Variants in CREB3L2 observed in about 807,000 individuals in gnomAD.
CREB3L2 encodes cAMP responsive element binding protein 3 like 2.
Under a neutral mutation model 57.2 loss-of-function variants are expected in CREB3L2, and 23 were observed. That is an observed-to-expected ratio of 0.40 (90% CI 0.29 to 0.57). CREB3L2 has a LOEUF of 0.57. CREB3L2 is among the 20% of genes least tolerant of loss of function. The probability of loss-of-function intolerance (pLI) is 0.42; values close to 1 mark genes in which losing one functional copy is unlikely to be tolerated. For synonymous variants in CREB3L2, 268 were observed against 265.1 expected, an observed-to-expected ratio of 1.01 and a Z score of -0.11; for missense variants, 628 against 634.7, an observed-to-expected ratio of 0.99 and a Z score of 0.11.
At position 137,901,442 on chromosome 7, in the gene CREB3L2, A is replaced by G; in HGVS notation, c.975-20T>C. 2 of 1,545,668 alleles carry G rather than the reference A, an allele frequency of 1.3e-6. No individual in the cohort carries two copies. The highest frequency in any genetic ancestry group is 1.1e-5 in the South Asian group (1 of 89,348). On this transcript the variant is annotated intron_variant, in intron 7 of 11. Transcript: ENST00000330387. Reference sequence around the variant, plus strand: ...TCCACTCTACAAAGGAGGGAGAAAGAAGAAAATTATTATCCATAGAGCAAA... The same window carrying G: ...TCCACTCTACAAAGGAGGGAGAAAGGAGAAAATTATTATCCATAGAGCAAA...
At position 137,880,143 on chromosome 7, in the gene CREB3L2, C is replaced by T. The variant is rs2117169416; in HGVS notation, c.*333G>A. 1 of 369,102 alleles carries T rather than the reference C, an allele frequency of 2.7e-6. No individual in the cohort carries two copies. The highest frequency in any genetic ancestry group is 3.9e-5 in the South Asian group (1 of 25,700). The allele number at this position is 369,102 out of a possible 1,614,324, so 22.9% of individuals were successfully genotyped here. A position where few individuals can be genotyped will look rare whatever the true frequency, so the allele number is the denominator to read the frequency against. Reference sequence around the variant, plus strand: ...ATCTCGTCTCCAAAGCGGGGGGTTACACCTCACAGGTGCACATTAGGCAAT... The same window carrying T: ...ATCTCGTCTCCAAAGCGGGGGGTTATACCTCACAGGTGCACATTAGGCAAT... On this transcript the variant is annotated 3_prime_UTR_variant, in exon 12 of 12. Transcript: ENST00000330387. The surrounding 1 kb of genome is among the most constrained non-coding windows in gnomAD (Gnocchi z 4.0).
Position 137,885,016 on chromosome 7 carries a change from C to T in CREB3L2, c.1249G>A (p.Glu417Lys). The change falls in exon 10 of 12, where the codon GAG becomes AAG. Residue 417 changes from glutamate (E) to lysine (K), a missense_variant. Glu to Lys is a moderately conservative substitution (Grantham distance 56, BLOSUM62 1). Coordinates refer to ENST00000330387, the MANE Select transcript of CREB3L2 (RefSeq NM_194071.4). Reference protein sequence around the residue: ...MALPSQHSLQEPYTASVVRSR... With the variant: ...MALPSQHSLQKPYTASVVRSR... The stretch of plus-strand genomic sequence containing the variant: ...TTACCCACGGAGGCTGTGTAGGGCT[C>T]CTGCAGGGAATGCTGGCTGGGCAGA... The T allele has an allele frequency of 6.2e-7, 1 of 1,614,178 alleles. No homozygotes were observed. The highest frequency in any genetic ancestry group is 8.5e-7 in the Non-Finnish European group (1 of 1,180,020).
In CREB3L2 at chr7:138,001,503, C is replaced by A. The variant is rs1802075818; in HGVS notation, c.102+101G>T. The A allele has an allele frequency of 2.4e-6, 2 of 841,194 alleles. No individual in the cohort carries two copies. The highest frequency in any genetic ancestry group is 3.3e-5 in the South Asian group (2 of 60,544). 52.1% of individuals were successfully genotyped at this position (841,194 alleles called of 1,614,324 possible). A position where few individuals can be genotyped will look rare whatever the true frequency, so the allele number is the denominator to read the frequency against. ...CCTCTTGATTCTGACCATGCCCTGC[C>A]CCAAACCCTGCCTTCCCGGGTCCCA... On this transcript the variant is annotated intron_variant, in intron 1 of 11. Transcript: ENST00000330387. The surrounding 1 kb of genome is among the most constrained non-coding windows in gnomAD (Gnocchi z 4.2).
chr7:137,879,405 A>G lies in CREB3L2; in HGVS notation c.*1071T>C. 2.3e-6 allele frequency: 1 copy of G among 442,392 alleles called. No individual in the cohort carries two copies. The highest frequency in any genetic ancestry group is 4.3e-6 in the Non-Finnish European group (1 of 234,378). 27.4% of individuals were successfully genotyped at this position (442,392 alleles called of 1,614,324 possible). A position where few individuals can be genotyped will look rare whatever the true frequency, so the allele number is the denominator to read the frequency against. On this transcript the variant is annotated 3_prime_UTR_variant, in exon 12 of 12. Coordinates refer to ENST00000330387, the MANE Select transcript of CREB3L2 (RefSeq NM_194071.4). Reference sequence around the variant, plus strand: ...GGTTGTCTGAAATGTCTGTTGTCAGAACAGGGCTTCCCCTTCTCTGTCATG... The same window carrying G: ...GGTTGTCTGAAATGTCTGTTGTCAGGACAGGGCTTCCCCTTCTCTGTCATG...
chr7:137,894,513 T>G (rs976201723), intron 8 of CREB3L2, among the ~76,000 whole-genome samples: 6 of 152,126 alleles, frequency 3.9e-5, no homozygotes, highest in African/African-American at 1.4e-4. Context: ...GTCTACCCCA[T>G]TGGCTTCAGG....
At chr7:137,902,316 C>A (rs1278674781) in intron 7 of CREB3L2, among the ~76,000 whole-genome samples, 1 of 152,120 alleles carries the variant, frequency 6.6e-6, no homozygotes, top group East Asian at 1.9e-4. Context: ...CTCACCTCCT[C>A]CCTAGTGTTC....
At chr7:137,916,690 G>A (rs1031285268) in intron 2 of CREB3L2, among the ~76,000 whole-genome samples, 2 of 151,700 alleles carry the variant, frequency 1.3e-5, no homozygotes, top group Non-Finnish European at 1.5e-5. Context: ...GTACTCCAGA[G>A]CCTGGGCAAC....
chr7:137,983,504 GTTC>G (rs754997781), intron 1 of CREB3L2, among the ~76,000 whole-genome samples: 113 of 152,324 alleles, frequency 7.4e-4, no homozygotes, highest in Non-Finnish European at 8.7e-4. Context: ...GACTCAGGCT[GTTC>G]TTCTAAAGAA....
At chr7:137,911,809 G>A (rs1016541432) in intron 4 of CREB3L2, among the ~76,000 whole-genome samples, 15 of 152,188 alleles carry the variant, frequency 9.9e-5, no homozygotes, top group Non-Finnish European at 8.8e-5. Flanking sequence ...CTACACTCCA[G>A]CCTGAGCAAC....
intron 1 of CREB3L2, among the ~76,000 whole-genome samples, chr7:137,969,791 C>CACAT (rs141056660): frequency 3.4e-5 from 5 of 148,560 alleles, no homozygotes; most frequent in Admixed American, 2.0e-4. Flanking sequence ...CACACACACA[C>CACAT]ACAACATACA....
rs772340403 is a variant in CREB3L2 at position 137,966,444 on chromosome 7, T to C, written c.102+35160A>G. Among the ~76,000 whole-genome samples the C allele has an allele frequency of 4.3e-4, 66 of 152,306 alleles. 1 individual carries two copies. The highest frequency in any genetic ancestry group is 3.4e-3 in the Middle Eastern group (1 of 294). ...GTGGCTCAGGGAGAAGGAGGAGCACTATCCTTGATATGGAATTGGAATATT... is the reference window on the plus strand; with the variant it reads ...GTGGCTCAGGGAGAAGGAGGAGCACCATCCTTGATATGGAATTGGAATATT... On this transcript the variant is annotated intron_variant, in intron 1 of 11. Coordinates refer to ENST00000330387, the MANE Select transcript of CREB3L2 (RefSeq NM_194071.4).
Position 137,908,289 on chromosome 7 carries a change from G to C in CREB3L2, c.731C>G (p.Ser244Cys). ...GAGGAGAGGGGAGCTGGAGAGGGCGGAGGGGGCCCGGGGTGCAGCTCTGGA... is the reference window on the plus strand; with the variant it reads ...GAGGAGAGGGGAGCTGGAGAGGGCGCAGGGGGCCCGGGGTGCAGCTCTGGA... Reference protein sequence around the residue: ...SPSRAAPRAPSALSSSPLLTA... With the variant: ...SPSRAAPRAPCALSSSPLLTA... Residue 244 changes from serine (S) to cysteine (C), a missense_variant, in exon 5 of 12, where the codon TCC (serine) becomes TGC (cysteine). Physicochemically the swap from Ser to Cys is moderately radical, Grantham distance 112. Around this residue, in one of 3 missense-constraint regions of CREB3L2, gnomAD observed 339 missense variants for 355.4 expected, o/e 0.95. Transcript: ENST00000330387. 7.9e-7 allele frequency: 1 copy of C among 1,259,340 alleles called. No homozygotes were observed. The highest frequency in any genetic ancestry group is 1.0e-6 in the Non-Finnish European group (1 of 993,042). The allele number at this position is 1,259,340 out of a possible 1,614,324, so 78.0% of individuals were successfully genotyped here. A position where few individuals can be genotyped will look rare whatever the true frequency, so the allele number is the denominator to read the frequency against.
At chr7:137,994,784 A>G (rs1801958970) in intron 1 of CREB3L2, among the ~76,000 whole-genome samples, 1 of 152,196 alleles carries the variant, frequency 6.6e-6, no homozygotes, top group African/African-American at 2.4e-5. Flanking sequence ...GTCTCTATTT[A>G]AAAACAAAAA....
intron 1 of CREB3L2, among the ~76,000 whole-genome samples, chr7:137,995,122 A>G (rs1801966074): frequency 6.6e-6 from 1 of 152,096 alleles, no homozygotes; most frequent in African/African-American, 2.4e-5. Context: ...TAGTAAGAAA[A>G]GTTTCTTCCA....
chr7:137,914,423 G>T (rs1800082370), intron 3 of CREB3L2, among the ~76,000 whole-genome samples: 1 of 152,078 alleles, frequency 6.6e-6, no homozygotes, highest in African/African-American at 2.4e-5. Context: ...CTTGAGGTCA[G>T]GAGTTCGAGA....
At chr7:137,922,485 T>TACACAC (rs142520842) in intron 2 of CREB3L2, 28 of 178,084 alleles carry the variant, frequency 1.6e-4, no homozygotes, top group Non-Finnish European at 1.8e-4. Context: ...CATATATATA[T>TACACAC]ACACACACAC....
chr7:137,937,528 G>A (rs1262780351), intron 1 of CREB3L2, among the ~76,000 whole-genome samples: 5 of 151,902 alleles, frequency 3.3e-5, no homozygotes, highest in Non-Finnish European at 7.4e-5. Flanking sequence ...CAACCATGAG[G>A]AAAAAGGTGA....
chr7:137,956,757 A>G, intron 1 of CREB3L2: 1 of 618,616 alleles, frequency 1.6e-6, no homozygotes. Flanking sequence ...TGCGATTGCT[A>G]GCATACAGCA....
Position 137,885,496 on chromosome 7 carries a change from G to A in CREB3L2, c.1050C>T (p.Leu350=). 1 of 1,613,270 alleles carries A rather than the reference G, an allele frequency of 6.2e-7. No homozygotes were observed. The change falls in exon 9 of 12, where the codon CTC becomes CTT. Residue 350 remains leucine (L), a synonymous_variant. Coordinates refer to ENST00000330387, the MANE Select transcript of CREB3L2 (RefSeq NM_194071.4). ...TCTGAAGCTTCTGGAGTTGCTGAAGGAGAGTCCTGCCAATGATAACAACAG... is the reference window on the plus strand; with the variant it reads ...TCTGAAGCTTCTGGAGTTGCTGAAGAAGAGTCCTGCCAATGATAACAACAG... ...VEVLENTNRT[L]LQQLQKLQTL... is the part of the protein sequence containing the mutation.
Sources: gnomAD v4.1 joint callset for allele counts (sites outside exome capture counted in the v4.1 genomes callset) on GRCh38, gnomAD v4.1.1 for gene constraint, gnomAD v4.1.1 regional missense constraint, Gnocchi (gnomAD v3.1) non-coding constraint, MANE v1.5 for transcripts, NCBI Gene and HGNC (gene_info 2026-07-23, HGNC 2026-07-21) for gene names.